The following COL19A1 variants were observed in gnomAD, a reference collection of about 807,000 sequenced individuals.
COL19A1 encodes collagen type XIX alpha 1 chain.
In COL19A1, 159 loss-of-function variants were observed where a neutral mutation model predicts 190.2. The observed-to-expected ratio is 0.84, with a 90% CI of 0.73 to 0.95. COL19A1 has a LOEUF of 0.95. Among genes scored for constraint, COL19A1 ranks in the 40% least tolerant of loss-of-function variants. COL19A1 has a pLI of 0.00. For synonymous variants in COL19A1, 509 were observed against 458.9 expected, an observed-to-expected ratio of 1.11 and a Z score of -1.39; for missense variants, 1,418 against 1,431.9, an observed-to-expected ratio of 0.99 and a Z score of 0.16.
chr6:70,090,725 A>G (rs4707627), intron 15 of COL19A1, among the ~76,000 whole-genome samples: 8,634 of 152,222 alleles, frequency 0.057, 300 homozygotes, highest in South Asian at 0.11. Flanking sequence ...ATACCAACCT[A>G]TATAATATGA....
chr6:70,100,902 A>T (rs558616056), intron 15 of COL19A1, among the ~76,000 whole-genome samples: 4 of 152,300 alleles, frequency 2.6e-5, no homozygotes, highest in African/African-American at 9.6e-5. Flanking sequence ...CTTCAGGAAC[A>T]ATGGACACAT....
Position 69,866,619 on chromosome 6 carries a change from G to A in COL19A1, c.-54G>A, listed in dbSNP as rs898873270. ...TGTCCGGACTCCACTGCGCCTCTGA[G>A]GGGCTCAAATACGAATTCAAGGTAA... is the stretch of plus-strand genomic sequence containing the variant. On this transcript the variant is annotated 5_prime_UTR_variant, in exon 1 of 51. Transcript: ENST00000620364. 6.6e-6 allele frequency: 1 copy of A among 152,348 alleles called. No individual in the cohort carries two copies. The highest frequency in any genetic ancestry group is 2.4e-5 in the African/African-American group (1 of 41,450). The allele number at this position is 152,348 out of a possible 1,614,324, so 9.4% of individuals were successfully genotyped here.
At chr6:70,066,602 C>CTA (rs1007946168) in intron 14 of COL19A1, among the ~76,000 whole-genome samples, 4 of 150,436 alleles carry the variant, frequency 2.7e-5, no homozygotes, top group South Asian at 4.2e-4. Flanking sequence ...TATAATAAAA[C>CTA]TATATATATA....
rs1771989969 is a variant in COL19A1 at position 69,921,912 on chromosome 6, C to T, written c.267-5997C>T. Among the ~76,000 whole-genome samples, 4 of 152,042 alleles carry T rather than the reference C, an allele frequency of 2.6e-5. No homozygotes were observed. The South Asian group carries it at 8.3e-4, about 32-fold the overall frequency. The stretch of plus-strand genomic sequence containing the variant: ...GATATTTTTCTTACTGGGAGTATCA[C>T]TGAATAAGCAATGGATAGGATTTCT... On this transcript the variant is annotated intron_variant, in intron 4 of 50. Coordinates refer to ENST00000620364, the MANE Select transcript of COL19A1 (RefSeq NM_001858.6).
At chr6:69,984,010 G>C (rs1424258730) in intron 11 of COL19A1, among the ~76,000 whole-genome samples, 1 of 152,066 alleles carries the variant, frequency 6.6e-6, no homozygotes, top group Non-Finnish European at 1.5e-5. Flanking sequence ...TCCAGAAGGA[G>C]TATGTGTAAT....
chr6:70,072,623 T>C (rs1003945690), intron 15 of COL19A1, among the ~76,000 whole-genome samples: 6 of 152,186 alleles, frequency 3.9e-5, no homozygotes, highest in Non-Finnish European at 8.8e-5. Context: ...ATCCTCTTGA[T>C]TGCCTCCTTG....
intron 14 of COL19A1, among the ~76,000 whole-genome samples, chr6:70,061,300 C>T (rs1357902843): frequency 6.6e-6 from 1 of 152,082 alleles, no homozygotes; most frequent in Non-Finnish European, 1.5e-5. Flanking sequence ...ATTAGGAGAG[C>T]ATGGCTAGAA....
chr6:70,175,629 C>CT (rs1765754372), intron 41 of COL19A1, among the ~76,000 whole-genome samples: 1 of 151,900 alleles, frequency 6.6e-6, no homozygotes, highest in East Asian at 1.9e-4. Flanking sequence ...TCCATTATAG[C>CT]TTTATTTATT....
In COL19A1 at chr6:70,130,218, G is replaced by A. The variant is rs766202170; in HGVS notation, c.1378G>A (p.Asp460Asn). ...DEHEAGGLKG[D>N]KGETGLPGFP... ...ACATGAAGCTGGAGGCCTGAAAGGA[G>A]ACAAGGTAATCAGATTTTTTTTTTT... The change falls in exon 18 of 51, where the codon GAC becomes AAC. Residue 460 changes from aspartate to asparagine, a missense_variant. By Grantham distance (23) the Asp-to-Asn change is conservative. Transcript: ENST00000620364. The A allele has an allele frequency of 4.3e-6, 7 of 1,612,654 alleles. No homozygotes were observed. The East Asian group carries it at 1.3e-4, about 31-fold the overall frequency.
chr6:70,190,693 T>C (rs1181133766), intron 48 of COL19A1, among the ~76,000 whole-genome samples: 1 of 152,234 alleles, frequency 6.6e-6, no homozygotes, highest in Non-Finnish European at 1.5e-5. Flanking sequence ...TTTTCTCTTT[T>C]ATGGAGTAAA....
rs2149944895 is a variant in COL19A1, at chr6:69,880,432, A to G, written c.91+774A>G. 2.0e-5 allele frequency among the ~76,000 whole-genome samples: 3 copies of G among 152,300 alleles called. No individual in the cohort carries two copies. The South Asian group carries it at 6.2e-4, about 32-fold the overall frequency. ...CTCTCCTATGCAAACGATCACATAT[A>G]ATGTATTCTGATGATAATCACATAT... On this transcript the variant is annotated intron_variant, in intron 2 of 50. Coordinates refer to ENST00000620364, the MANE Select transcript of COL19A1 (RefSeq NM_001858.6).
chr6:69,931,899 A>ACAAATGCCTGCTTTCTATTATTAT (rs1183330094), intron 6 of COL19A1, among the ~76,000 whole-genome samples: 3 of 152,186 alleles, frequency 2.0e-5, no homozygotes, highest in Non-Finnish European at 4.4e-5. Context: ...ACCTCTAATC[A>ACAAATGCCTGCTTTCTATTATTAT]CAAATGCCTG....
chr6:69,958,849 TAA>T (rs1774592121), intron 9 of COL19A1, among the ~76,000 whole-genome samples: 1 of 152,186 alleles, frequency 6.6e-6, no homozygotes, highest in South Asian at 2.1e-4. Flanking sequence ...ATTGCTATTT[TAA>T]AGTTTAAAGA....
chr6:70,131,138 T>A (rs1339585544), intron 18 of COL19A1: 2 of 379,282 alleles, frequency 5.3e-6, no homozygotes. Flanking sequence ...GAAATTGTAA[T>A]GACCTTGGAT....
intron 42 of COL19A1, among the ~76,000 whole-genome samples, chr6:70,179,757 C>T (rs1202322672): frequency 6.6e-6 from 1 of 152,166 alleles, no homozygotes; most frequent in Admixed American, 6.5e-5. Flanking sequence ...ATATTCTCCT[C>T]TCCTACTCTC....
At chr6:69,887,583 A>G (rs1268708724) in intron 2 of COL19A1, among the ~76,000 whole-genome samples, 1 of 152,210 alleles carries the variant, frequency 6.6e-6, no homozygotes, top group Admixed American at 6.5e-5. Context: ...GGTAGCCACT[A>G]CACTGACACA....
At chr6:69,922,254 T>C (rs1026958983) in intron 4 of COL19A1, among the ~76,000 whole-genome samples, 1 of 151,906 alleles carries the variant, frequency 6.6e-6, no homozygotes, top group Non-Finnish European at 1.5e-5. Flanking sequence ...AAGGGAAATA[T>C]AGTAATTATA....
At chr6:70,180,207 C>A in intron 42 of COL19A1, 105 bp from the exon 43 acceptor site, 1 of 1,284,988 alleles carries the variant, frequency 7.8e-7, no homozygotes, top group Non-Finnish European at 1.1e-6. Flanking sequence ...TGGAGAGCAT[C>A]ACCCTTGGGA....
chr6:69,959,290 G>A (rs779527716), intron 9 of COL19A1, among the ~76,000 whole-genome samples: 32 of 151,898 alleles, frequency 2.1e-4, no homozygotes, highest in Non-Finnish European at 3.2e-4. Context: ...AATGGCATTG[G>A]GTATGTATTC....
Sources: gnomAD v4.1 joint callset for allele counts (sites outside exome capture counted in the v4.1 genomes callset) on GRCh38, gnomAD v4.1.1 for gene constraint, MANE v1.5 for transcripts, NCBI Gene and HGNC (gene_info 2026-07-23, HGNC 2026-07-21) for gene names.